Variants in CCDC3 observed in about 807,000 individuals in gnomAD.
CCDC3 encodes the protein coiled-coil domain containing 3, also known as coiled-coil domain-containing protein 3.
A neutral mutation model predicts 21.4 loss-of-function variants in CCDC3; 24 were observed. The observed-to-expected ratio is 1.12, with a 90% CI of 0.81 to 1.58. The LOEUF (loss-of-function observed/expected upper bound fraction) is 1.58. Ranked by LOEUF, CCDC3 falls within the 40% of genes most tolerant of loss-of-function variation. The pLI, the probability that CCDC3 is intolerant of heterozygous loss-of-function variation, is 0.00. For synonymous variants in CCDC3, 186 were observed against 166.0 expected (o/e 1.12, Z -0.93); for missense variants, 425 against 360.9 (o/e 1.18, Z -1.44).
intron 2 of CCDC3, among the ~76,000 whole-genome samples, chr10:12,948,814 C>T (rs1834964911): frequency 7.3e-6 from 1 of 137,850 alleles, no homozygotes; most frequent in South Asian, 2.4e-4. Context: ...TCACTGCAAG[C>T]TCCACCTCCC....
Position 13,001,606 on chromosome 10 carries a change from G to A in CCDC3, c.-36C>T. On this transcript the variant is annotated 5_prime_UTR_variant, in exon 1 of 3. Coordinates refer to ENST00000378825, the MANE Select transcript of CCDC3 (RefSeq NM_031455.4). ...CCCGGGGCGCACGGGGCGGCGGCGG[G>A]GAGCCCGGGGAGCCCGCCGGCCCGG... The A allele has an allele frequency of 2.7e-6, 3 of 1,110,004 alleles. No homozygotes were observed. The highest frequency in any genetic ancestry group is 3.3e-6 in the Non-Finnish European group (3 of 910,904). The allele number at this position is 1,110,004 out of a possible 1,614,324, so 68.8% of individuals were successfully genotyped here. A position where few individuals can be genotyped will look rare whatever the true frequency, so the allele number is the denominator to read the frequency against.
At chr10:12,931,048 TAAAAATAC>T (rs1834631161) in intron 2 of CCDC3, among the ~76,000 whole-genome samples, 1 of 151,768 alleles carries the variant, frequency 6.6e-6, no homozygotes, top group Non-Finnish European at 1.5e-5. Context: ...CCGTGTCTAC[TAAAAATAC>T]AAAAATTAGC....
chr10:13,065,428 T>C (rs1164576147), intron 4 of CCDC3, among the ~76,000 whole-genome samples: 1 of 152,210 alleles, frequency 6.6e-6, no homozygotes, highest in Non-Finnish European at 1.5e-5. Flanking sequence ...AACAAGGAGA[T>C]GATGTTGCTG....
intron 2 of CCDC3, among the ~76,000 whole-genome samples, chr10:12,910,472 C>T (rs1435039781): frequency 6.6e-6 from 1 of 151,704 alleles, no homozygotes; most frequent in Non-Finnish European, 1.5e-5. Context: ...TATTGGAAAA[C>T]CTATAAACAA....
chr10:12,945,809 A>G (rs149187117), intron 2 of CCDC3, among the ~76,000 whole-genome samples: 9 of 152,350 alleles, frequency 5.9e-5, no homozygotes, highest in East Asian at 3.9e-4. Flanking sequence ...TTCTATAACT[A>G]TGTTCAAGTT....
chr10:13,047,211 T>C (rs1836541807), intron 5 of CCDC3, among the ~76,000 whole-genome samples: 1 of 152,124 alleles, frequency 6.6e-6, no homozygotes, highest in Non-Finnish European at 1.5e-5. Flanking sequence ...ACAAAAACCA[T>C]GTACCTGTGT....
At chr10:13,021,211 A>G (rs1836140751) in intron 5 of CCDC3, among the ~76,000 whole-genome samples, 1 of 152,278 alleles carries the variant, frequency 6.6e-6, no homozygotes, top group African/African-American at 2.4e-5. Flanking sequence ...ACATTTAACA[A>G]TAAAAGAAGA....
chr10:13,032,880 T>C (rs1023967046), intron 5 of CCDC3, among the ~76,000 whole-genome samples: 1 of 152,182 alleles, frequency 6.6e-6, no homozygotes, highest in African/African-American at 2.4e-5. Context: ...TGCTCGTGGA[T>C]AGGAAGAATC....
At chr10:12,998,829 A>G (rs1835804030) in intron 1 of CCDC3, among the ~76,000 whole-genome samples, 2 of 152,048 alleles carry the variant, frequency 1.3e-5, no homozygotes, top group Non-Finnish European at 2.9e-5. Flanking sequence ...TTTCCTGGTG[A>G]AAAAAAGGCC....
intron 5 of CCDC3, among the ~76,000 whole-genome samples, chr10:13,019,368 T>A (rs1836115154): frequency 6.6e-6 from 1 of 152,218 alleles, no homozygotes; most frequent in Non-Finnish European, 1.5e-5. Context: ...TTTCAGCCCT[T>A]TTTTAGCATC....
intron 5 of CCDC3, among the ~76,000 whole-genome samples, chr10:13,019,008 CG>C (rs1772798871): frequency 6.6e-6 from 1 of 151,622 alleles, no homozygotes; most frequent in African/African-American, 2.4e-5. Flanking sequence ...CCGAGGCGGG[CG>C]GATCACAAGG....
At chr10:12,927,040 A>G (rs1275824845) in intron 2 of CCDC3, among the ~76,000 whole-genome samples, 1 of 152,212 alleles carries the variant, frequency 6.6e-6, no homozygotes, top group Non-Finnish European at 1.5e-5. Context: ...GCAACCAAGA[A>G]AGAGGCCCCA....
intron 2 of CCDC3, among the ~76,000 whole-genome samples, chr10:12,988,350 T>C (rs982409993): frequency 1.3e-5 from 2 of 152,116 alleles, no homozygotes; most frequent in Admixed American, 6.6e-5. Flanking sequence ...CAATTCCTAT[T>C]ACCTTTTTTT....
rs374372292 is a variant in CCDC3, at chr10:12,906,322, CCAAA to C, written c.550-7647_550-7644del. On this transcript the variant is annotated intron_variant, in intron 2 of 2. Transcript: ENST00000378825. ...GAGCTGCTTCCCTGGTGCCAGGAGC[CCAAA>C]CAAAGGGAACGCTCATGCCCAGGCT... Among the ~76,000 whole-genome samples, 116 of 152,280 alleles carry C rather than the reference CCAAA, an allele frequency of 7.6e-4. No homozygotes were observed. In the East Asian group the frequency reaches 0.013, roughly 17 times the overall value.
intron 3 of CCDC3, among the ~76,000 whole-genome samples, chr10:13,075,071 A>G (rs763739840): frequency 6.6e-6 from 1 of 152,316 alleles, no homozygotes; most frequent in East Asian, 1.9e-4. Flanking sequence ...ATAGGTGCCC[A>G]CTGCAAACCT....
intron 3 of CCDC3, among the ~76,000 whole-genome samples, chr10:13,082,011 C>G (rs1255225871): frequency 1.3e-5 from 2 of 152,142 alleles, no homozygotes; most frequent in Non-Finnish European, 2.9e-5. Context: ...GGTCAGCCCC[C>G]GAGGGCCATC....
At chr10:13,016,125 T>C (rs1304845161) in intron 5 of CCDC3, among the ~76,000 whole-genome samples, 1 of 151,886 alleles carries the variant, frequency 6.6e-6, no homozygotes, top group Non-Finnish European at 1.5e-5. Flanking sequence ...AATAAAACAA[T>C]AGTAGAGCTT....
intron 2 of CCDC3, among the ~76,000 whole-genome samples, chr10:12,926,992 A>G (rs1165941954): frequency 6.6e-6 from 1 of 152,194 alleles, no homozygotes; most frequent in Non-Finnish European, 1.5e-5. Context: ...TCCATTTTGG[A>G]AAAAAAGGGA....
intron 5 of CCDC3, among the ~76,000 whole-genome samples, chr10:13,012,969 G>A (rs1836001099): frequency 1.3e-5 from 2 of 152,158 alleles, no homozygotes; most frequent in South Asian, 4.1e-4. Flanking sequence ...AAAAAATAAA[G>A]AAAAACTTAA....
Sources: allele counts gnomAD v4.1 joint callset (sites outside exome capture counted in the v4.1 genomes callset), GRCh38; gene constraint gnomAD v4.1.1; transcripts MANE v1.5; gene names NCBI Gene and HGNC (gene_info 2026-07-23, HGNC 2026-07-21).